The following TNFAIP8L3 variants were observed in gnomAD, a reference collection of about 807,000 sequenced individuals.
TNFAIP8L3 encodes the protein tumor necrosis factor alpha-induced protein 8-like protein 3.
In TNFAIP8L3, 7 loss-of-function variants were observed where a neutral mutation model predicts 11.8. The ratio of observed to expected loss-of-function variants is 0.59; its 90% CI spans 0.34 to 1.11. TNFAIP8L3 has a LOEUF of 1.11. TNFAIP8L3 is among the 50% of genes most tolerant of loss of function. TNFAIP8L3 has a pLI of 0.03. For missense variants in TNFAIP8L3, 219 were observed against 258.6 expected (o/e 0.85, Z 1.05); for synonymous variants, 98 against 103.8 (o/e 0.94, Z 0.34).
At position 51,062,481 on chromosome 15, in the gene TNFAIP8L3, C is replaced by G. The variant is rs189456075; in HGVS notation, c.53-4038G>C. 1.7e-3 allele frequency among the ~76,000 whole-genome samples: 258 copies of G among 152,168 alleles called. 2 individuals are homozygous for G. Among genetic ancestry groups the G allele is most frequent in the African/African-American group, 6.1e-3 (252 of 41,510 alleles). ...AGATGAGTTTGTATATTAGTATGTA[C>G]AAAGAATACGTATTGAAGTTGTCAA... On this transcript the variant is annotated intron_variant, in intron 1 of 1. Transcript: ENST00000637513.
chr15:51,071,293 C>A (rs2065307692), intron 1 of TNFAIP8L3, among the ~76,000 whole-genome samples: 1 of 152,046 alleles, frequency 6.6e-6, no homozygotes, highest in African/African-American at 2.4e-5. Flanking sequence ...TGTGTGGTCA[C>A]CACTCAGGTG....
At chr15:51,058,860 C>T (rs2065223557) in intron 1 of TNFAIP8L3, among the ~76,000 whole-genome samples, 1 of 152,160 alleles carries the variant, frequency 6.6e-6, no homozygotes, top group Non-Finnish European at 1.5e-5. Context: ...CGAATGTAGC[C>T]CCATTGTCAA....
At chr15:51,089,669 T>C (rs1470933408) in intron 1 of TNFAIP8L3, among the ~76,000 whole-genome samples, 3 of 152,242 alleles carry the variant, frequency 2.0e-5, no homozygotes, top group African/African-American at 7.2e-5. Flanking sequence ...GTCTACTTTA[T>C]AGGACAGGTT....
chr15:51,104,537 G>A (rs1364716100), intron 1 of TNFAIP8L3, among the ~76,000 whole-genome samples: 3 of 152,144 alleles, frequency 2.0e-5, no homozygotes, highest in Non-Finnish European at 4.4e-5. Context: ...CTGCTCCTGC[G>A]TGTCTTTCCC....
chr15:51,068,660 GTTTTTTTT>G (rs113982459), intron 1 of TNFAIP8L3, among the ~76,000 whole-genome samples: 1 of 116,342 alleles, frequency 8.6e-6, no homozygotes, highest in Non-Finnish European at 1.8e-5. Context: ...CACCCCTCCT[GTTTTTTTT>G]TTTTTTTTTT....
intron 1 of TNFAIP8L3, among the ~76,000 whole-genome samples, chr15:51,080,790 G>T (rs1944667587): frequency 6.6e-6 from 1 of 152,258 alleles, no homozygotes. Context: ...TGGCCTGGGG[G>T]CCTCAGTTGG....
chr15:51,067,848 C>G (rs2065281944), intron 1 of TNFAIP8L3, among the ~76,000 whole-genome samples: 1 of 152,192 alleles, frequency 6.6e-6, no homozygotes, highest in Non-Finnish European at 1.5e-5. Flanking sequence ...ATGTGAACAG[C>G]AGGAAAACAC....
intron 1 of TNFAIP8L3, among the ~76,000 whole-genome samples, chr15:51,076,700 A>G (rs1465661214): frequency 6.6e-6 from 1 of 152,120 alleles, no homozygotes; most frequent in East Asian, 1.9e-4. Context: ...TTTGCCACTG[A>G]GCCAGCAGCA....
upstream of TNFAIP8L3, among the ~76,000 whole-genome samples, chr15:51,098,941 G>A (rs1054211306): frequency 2.0e-5 from 3 of 152,102 alleles, no homozygotes; most frequent in African/African-American, 7.2e-5. Context: ...TGCTATAATA[G>A]CATCAATCAA....
At chr15:51,095,228 AATAAGGGAAGGGGAGCGGG>A (rs2065505285), upstream of TNFAIP8L3, among the ~76,000 whole-genome samples, 1 of 90,150 alleles carries the variant, frequency 1.1e-5, no homozygotes, top group Non-Finnish European at 2.7e-5. Context: ...GGGGGCGGGG[AATAAGGGAAGGGGAGCGGG>A]GAATAAGGGA....
At chr15:51,062,602 T>C (rs909745842) in intron 1 of TNFAIP8L3, among the ~76,000 whole-genome samples, 1 of 152,230 alleles carries the variant, frequency 6.6e-6, no homozygotes, top group African/African-American at 2.4e-5. Context: ...CCATTCTGAA[T>C]CCTACTTTTC....
chr15:51,077,766 G>A (rs7171301), intron 1 of TNFAIP8L3, among the ~76,000 whole-genome samples: 2,371 of 152,340 alleles, frequency 0.016, 76 homozygotes, highest in African/African-American at 0.054. Flanking sequence ...GGGGAACAGG[G>A]GGCGGAGCCT....
intron 1 of TNFAIP8L3, among the ~76,000 whole-genome samples, chr15:51,103,395 A>G (rs571590373): frequency 2.6e-5 from 4 of 152,346 alleles, no homozygotes; most frequent in Admixed American, 2.6e-4. Flanking sequence ...AAGGATATCA[A>G]CTTTATTTCA....
rs752931999 is a variant in TNFAIP8L3 at position 51,057,905 on chromosome 15, C to T, written c.591G>A (p.Lys197=). The T allele has an allele frequency of 1.3e-5, 21 of 1,587,578 alleles. No individual in the cohort carries two copies. The highest frequency in any genetic ancestry group is 1.8e-5 in the Non-Finnish European group (21 of 1,167,808). ...TTTAAAGGACTTTCTCATCTAGCAA[C>T]TTATTGATTCCTTCACAAATCCTCT... is the stretch of plus-strand genomic sequence containing the variant. ...NLKRICEGIN[K]LLDEKVL is the part of the protein sequence containing the mutation. Residue 197 remains lysine, a synonymous_variant, in exon 2 of 2, where the codon AAG becomes AAA. Transcript: ENST00000637513.
chr15:51,057,714 A>T lies in TNFAIP8L3; in HGVS notation c.*167T>A, dbSNP rs1307979795. On this transcript the variant is annotated 3_prime_UTR_variant, in exon 2 of 2. Transcript: ENST00000637513. ...AACCTTGCTAGAAAGCTTGGAAGAA[A>T]AACACACCTGAGCTCAGTTCAGCAT... 6 of 623,482 alleles carry T rather than the reference A, an allele frequency of 9.6e-6. No homozygotes were observed. The highest frequency in any genetic ancestry group is 1.6e-5 in the Non-Finnish European group (6 of 379,410). 38.6% of individuals were successfully genotyped at this position (623,482 alleles called of 1,614,324 possible).
chr15:51,071,136 C>T (rs2065306572), intron 1 of TNFAIP8L3, among the ~76,000 whole-genome samples: 1 of 150,722 alleles, frequency 6.6e-6, no homozygotes, highest in African/African-American at 2.4e-5. Flanking sequence ...ATATGTAATG[C>T]CTAAAAACAT....
intron 1 of TNFAIP8L3, among the ~76,000 whole-genome samples, chr15:51,070,758 A>C (rs2065302154): frequency 6.6e-6 from 1 of 152,052 alleles, no homozygotes; most frequent in Non-Finnish European, 1.5e-5. Context: ...ACAAGAATTA[A>C]TTTTCTGGCC....
chr15:51,063,460 G>A (rs151194256), intron 1 of TNFAIP8L3, among the ~76,000 whole-genome samples: 2 of 152,312 alleles, frequency 1.3e-5, no homozygotes, highest in East Asian at 3.9e-4. Context: ...AAGTAACGAA[G>A]ATACAACTTA....
At chr15:51,104,628 C>T (rs1175599556) in intron 1 of TNFAIP8L3, among the ~76,000 whole-genome samples, 1 of 152,220 alleles carries the variant, frequency 6.6e-6, no homozygotes, top group Admixed American at 6.5e-5. Flanking sequence ...GCTGTCTCCT[C>T]CCTGCCAGTG....
Sources: allele counts gnomAD v4.1 joint callset (sites outside exome capture counted in the v4.1 genomes callset), GRCh38; gene constraint gnomAD v4.1.1; transcripts MANE v1.5; gene names NCBI Gene and HGNC (gene_info 2026-07-23, HGNC 2026-07-21).